Variants in PRRC2C observed in about 807,000 individuals in gnomAD.
PRRC2C encodes the protein proline rich coiled-coil 2C, also known as protein PRRC2C.
PRRC2C carries 72 observed loss-of-function variants against 317.2 expected under a neutral mutation model. The ratio of observed to expected loss-of-function variants is 0.23; its 90% CI spans 0.19 to 0.28. The LOEUF is 0.28. Among genes scored for constraint, PRRC2C ranks in the 10% least tolerant of loss-of-function variants. The pLI is 1.00. For synonymous variants in PRRC2C, 1,296 were observed against 1,205.9 expected, an observed-to-expected ratio of 1.07 and a Z score of -1.55; for missense variants, 3,074 against 3,459.7, an observed-to-expected ratio of 0.89 and a Z score of 2.80.
intron 18 of PRRC2C, among the ~76,000 whole-genome samples, chr1:171,554,413 CTT>C (rs1165788657): frequency 1.3e-5 from 2 of 152,158 alleles, no homozygotes; most frequent in Admixed American, 6.6e-5. Flanking sequence ...AGTCTTGACT[CTT>C]TATCCAATTT....
chr1:171,551,566 G>A (rs1207730285), intron 18 of PRRC2C, among the ~76,000 whole-genome samples: 1 of 152,140 alleles, frequency 6.6e-6, no homozygotes, highest in African/African-American at 2.4e-5. Context: ...TATGGCCTAG[G>A]TTTTCTTCTA....
chr1:171,521,772 G>A (rs1673622120), intron 6 of PRRC2C, among the ~76,000 whole-genome samples: 1 of 152,276 alleles, frequency 6.6e-6, no homozygotes, highest in South Asian at 2.1e-4. Context: ...TTGCTAGGGT[G>A]CATGTGTGTA....
chr1:171,588,595 T>C, intron 33 of PRRC2C, 90 bp downstream of exon 33: 1 of 1,339,498 alleles, frequency 7.5e-7, no homozygotes, highest in Non-Finnish European at 1.0e-6. Flanking sequence ...GTTAACCAGT[T>C]AAGAAGTACA....
chr1:171,589,887 A>G (rs1650996797), intron 34 of PRRC2C, among the ~76,000 whole-genome samples: 1 of 151,844 alleles, frequency 6.6e-6, no homozygotes, highest in South Asian at 2.1e-4. Context: ...ATTGTTATCA[A>G]ATAAATATTT....
chr1:171,574,714 C>G (rs2102782395), intron 24 of PRRC2C, among the ~76,000 whole-genome samples: 1 of 152,288 alleles, frequency 6.6e-6, no homozygotes, highest in African/African-American at 2.4e-5. Flanking sequence ...CACTCTCACA[C>G]TCCCAATTTG....
At chr1:171,539,557 C>T (rs1677556570) in intron 15 of PRRC2C, among the ~76,000 whole-genome samples, 1 of 152,152 alleles carries the variant, frequency 6.6e-6, no homozygotes, top group South Asian at 2.1e-4. Flanking sequence ...TTTCCCCCTA[C>T]TCCTAGCCCC....
chr1:171,523,290 A>G lies in PRRC2C; in HGVS notation c.903A>G (p.Ala301=), dbSNP rs192973144. ...CTGAACGCCCATCCATTCTTAGTGC[A>G]TCAGAACTGAAGGAGCTTGATAAAT... is the stretch of plus-strand genomic sequence containing the variant. ...SEPERPSILS[A]SELKELDKFD... Residue 301 remains alanine (A), a synonymous_variant, in exon 8 of 35, where the codon GCA becomes GCG. Transcript: ENST00000647382. 2.1e-5 allele frequency: 34 copies of G among 1,613,892 alleles called. 1 individual carries two copies. The highest frequency in any genetic ancestry group is 3.3e-4 in the Middle Eastern group (2 of 6,060).
At chr1:171,510,771 T>A (rs1671231625) in intron 1 of PRRC2C, 1 of 152,210 alleles carries the variant, frequency 6.6e-6, no homozygotes, top group Non-Finnish European at 1.5e-5. Context: ...CACTGTTATG[T>A]GGGAGGAGGC....
chr1:171,549,323 C>T (rs1297592240), intron 17 of PRRC2C, among the ~76,000 whole-genome samples: 2 of 152,132 alleles, frequency 1.3e-5, no homozygotes, highest in East Asian at 3.9e-4. Flanking sequence ...AGGCATGTGC[C>T]ACAGCACTAA....
At chr1:171,566,961 A>G in intron 22 of PRRC2C, 118 bp downstream of exon 22, 1 of 1,126,590 alleles carries the variant, frequency 8.9e-7, no homozygotes, top group African/African-American at 1.6e-5. Context: ...TCTATAGATT[A>G]TTTCCGCAAA....
intron 11 of PRRC2C, among the ~76,000 whole-genome samples, 186 bp downstream of exon 11, chr1:171,528,030 T>G (rs1016908754): frequency 2.0e-5 from 3 of 152,156 alleles, no homozygotes; most frequent in African/African-American, 7.2e-5. Flanking sequence ...TGCTTCAAGT[T>G]TCACTAAGAA....
chr1:171,523,249 T>C lies in PRRC2C; in HGVS notation c.862T>C (p.Ser288Pro). The change falls in exon 8 of 35, where the codon TCA becomes CCA. Residue 288 changes from serine (S) to proline (P), a missense_variant. By Grantham distance (74) the Ser-to-Pro change is moderately conservative. Around this residue, in one of 11 missense-constraint regions of PRRC2C, gnomAD observed 50 missense variants for 88.3 expected, o/e 0.57. Transcript: ENST00000647382. ...KGLRGRGPPPSWASEPERPSI... is the reference protein window; with the variant it reads ...KGLRGRGPPPPWASEPERPSI... Reference sequence around the variant, plus strand: ...CCTTCGAGGAAGAGGCCCACCTCCTTCATGGGCCTCTGAGCCTGAACGCCC... The same window carrying C: ...CCTTCGAGGAAGAGGCCCACCTCCTCCATGGGCCTCTGAGCCTGAACGCCC... 6 of 1,613,170 alleles carry C rather than the reference T, an allele frequency of 3.7e-6. No individual in the cohort carries two copies. The highest frequency in any genetic ancestry group is 5.1e-6 in the Non-Finnish European group (6 of 1,179,464).
intron 1 of PRRC2C, among the ~76,000 whole-genome samples, chr1:171,498,963 A>G (rs1384379487): frequency 1.3e-5 from 2 of 152,088 alleles, no homozygotes; most frequent in East Asian, 1.9e-4. Context: ...ATACTCTACC[A>G]TACCTGGCCA....
At chr1:171,528,592 A>G (rs749119660) in intron 11 of PRRC2C, among the ~76,000 whole-genome samples, 13 of 152,072 alleles carry the variant, frequency 8.5e-5, no homozygotes, top group African/African-American at 1.2e-4. Context: ...CGCCCGGCCA[A>G]TGAAATTCTT....
rs757364456 is a variant in PRRC2C at position 171,541,414 on chromosome 1, T to C, written c.3948T>C (p.Asp1316=). ...SFKPDNHVRI[D]NRLLEKPYVR... ...AGCCTGATAATCATGTTCGAATAGATAATAGACTGCTAGAAAAGCCTTATG... is the reference window on the plus strand; with the variant it reads ...AGCCTGATAATCATGTTCGAATAGACAATAGACTGCTAGAAAAGCCTTATG... Residue 1316 remains aspartate (D), a synonymous_variant, in exon 16 of 35, where the codon GAT becomes GAC. Transcript: ENST00000647382. The surrounding 1 kb of genome is among the most constrained non-coding windows in gnomAD (Gnocchi z 4.1). The C allele has an allele frequency of 9.9e-6, 16 of 1,613,854 alleles. No individual in the cohort carries two copies. The highest frequency in any genetic ancestry group is 1.2e-5 in the Non-Finnish European group (14 of 1,179,822).
At chr1:171,546,143 G>T (rs1679085810) in intron 17 of PRRC2C, among the ~76,000 whole-genome samples, 1 of 152,174 alleles carries the variant, frequency 6.6e-6, no homozygotes, top group African/African-American at 2.4e-5. Flanking sequence ...AATAGGACGA[G>T]AGGCAGTGTC....
Position 171,558,129 on chromosome 1 carries a change from A to T in PRRC2C, c.6017A>T (p.Asp2006Val). The change falls in exon 19 of 35, where the codon GAT (aspartate) becomes GTT (valine). Residue 2006 changes from aspartate to valine, a missense_variant. Transcript: ENST00000647382. Reference protein sequence around the residue: ...NKVAPPAVLNDISKKLGPISP... With the variant: ...NKVAPPAVLNVISKKLGPISP... ...GTGGCCCCACCAGCTGTGCTGAATG[A>T]TATCTCTAAGAAATGTAAGTTGCAA... The T allele has an allele frequency of 6.2e-7, 1 of 1,611,522 alleles. No homozygotes were observed. The highest frequency in any genetic ancestry group is 8.5e-7 in the Non-Finnish European group (1 of 1,178,144).
chr1:171,579,204 A>G, intron 26 of PRRC2C, 150 bp from the exon 27 acceptor site: 1 of 1,101,852 alleles, frequency 9.1e-7, no homozygotes, highest in Non-Finnish European at 1.2e-6. Flanking sequence ...TCACATTTGC[A>G]TCTTGTCACG....
rs377615253 is a variant in PRRC2C, at chr1:171,513,143, A to G, written c.261A>G (p.Ala87=). 5.6e-6 allele frequency: 9 copies of G among 1,612,734 alleles called. No individual in the cohort carries two copies. In the African/African-American group the frequency reaches 1.1e-4, roughly 19 times the overall value. ...TACCTAAAGATGGCACAGGGTGGGC[A>G]TCAAAACAAGAGCAACATGAAGAAG... ...NIVPKDGTGW[A]SKQEQHEEEK... Residue 87 remains alanine, a synonymous_variant, in exon 3 of 35, where the codon GCA becomes GCG. Coordinates refer to ENST00000647382, the MANE Select transcript of PRRC2C (RefSeq NM_001387844.1).
Sources: allele counts gnomAD v4.1 joint callset (sites outside exome capture counted in the v4.1 genomes callset), GRCh38; gene constraint gnomAD v4.1.1; regional missense constraint gnomAD v4.1.1; non-coding constraint Gnocchi (gnomAD v3.1); transcripts MANE v1.5; gene names NCBI Gene and HGNC (gene_info 2026-07-23, HGNC 2026-07-21).